The following IL1RAPL2 variants were observed in gnomAD, a reference collection of about 807,000 sequenced individuals.
IL1RAPL2 encodes the protein X-linked interleukin-1 receptor accessory protein-like 2.
IL1RAPL2 carries 3 observed loss-of-function variants against 44.1 expected under a neutral mutation model. That is an observed-to-expected ratio of 0.07 (90% confidence interval 0.03 to 0.18). The LOEUF is 0.18. Among genes scored for constraint, IL1RAPL2 ranks in the 10% least tolerant of loss-of-function variants. The probability of loss-of-function intolerance (pLI) is 1.00; values close to 1 mark genes in which losing one functional copy is unlikely to be tolerated. For synonymous variants in IL1RAPL2, 181 were observed against 178.8 expected (o/e 1.01, Z -0.10); for missense variants, 391 against 496.4 (o/e 0.79, Z 2.02).
chrX:104,695,202 T>A (rs1602684726), intron 2 of IL1RAPL2, among the ~76,000 whole-genome samples: 1 of 112,469 alleles, frequency 8.9e-6, no homozygotes, highest in East Asian at 2.8e-4. Flanking sequence ...GTGCTAATTG[T>A]GAAAAGGCAT....
At position 105,428,054 on chromosome X, in the gene IL1RAPL2, A is replaced by C. The variant is rs1031966771; in HGVS notation, c.698-56259A>C. Among the ~76,000 whole-genome samples the C allele has an allele frequency of 1.8e-4, 20 of 112,085 alleles. No individual in the cohort carries two copies. In the East Asian group the frequency reaches 2.5e-3, roughly 14 times the overall value. ...ATAAAATATATTAATGTTACAAAAG[A>C]AAGTAAAATTGAATCATATAGTAAC... On this transcript the variant is annotated intron_variant, in intron 5 of 10. Coordinates refer to ENST00000372582, the MANE Select transcript of IL1RAPL2 (RefSeq NM_017416.2).
At chrX:105,584,095 T>G (rs1319034688) in intron 6 of IL1RAPL2, among the ~76,000 whole-genome samples, 1 of 111,990 alleles carries the variant, frequency 8.9e-6, no homozygotes, top group Non-Finnish European at 1.9e-5. Context: ...TGTGGAGAAA[T>G]TTTAAAATAT....
intron 2 of IL1RAPL2, among the ~76,000 whole-genome samples, chrX:104,910,272 G>A (rs907701845): frequency 4.5e-5 from 5 of 111,960 alleles, no homozygotes; most frequent in Non-Finnish European, 7.5e-5. Context: ...CTTGTGAGAC[G>A]AACCCGGTGC....
At chrX:105,191,279 G>A (rs1299453992) in intron 2 of IL1RAPL2, among the ~76,000 whole-genome samples, 6 of 112,607 alleles carry the variant, frequency 5.3e-5, no homozygotes, top group Non-Finnish European at 9.4e-5. Flanking sequence ...GCAATGGCAC[G>A]ATCTCAGCTT....
chrX:105,703,901 T>G (rs1384529658), intron 6 of IL1RAPL2, among the ~76,000 whole-genome samples: 1 of 112,103 alleles, frequency 8.9e-6, no homozygotes, highest in Non-Finnish European at 1.9e-5. Flanking sequence ...TTTAAAGACA[T>G]GTAGTTATAT....
At chrX:105,338,569 C>A (rs1252336065) in intron 5 of IL1RAPL2, among the ~76,000 whole-genome samples, 1 of 111,773 alleles carries the variant, frequency 8.9e-6, no homozygotes, top group African/African-American at 3.3e-5. Context: ...TTTTGAAAGT[C>A]CTTGCAATTC....
At chrX:105,159,209 C>A (rs777690994) in intron 2 of IL1RAPL2, among the ~76,000 whole-genome samples, 4 of 112,583 alleles carry the variant, frequency 3.6e-5, no homozygotes, top group African/African-American at 1.3e-4. Context: ...GTGGATCAGC[C>A]TTTTCCAGGC....
intron 5 of IL1RAPL2, among the ~76,000 whole-genome samples, chrX:105,413,347 T>C (rs929437098): frequency 9.0e-6 from 1 of 111,095 alleles, no homozygotes; most frequent in African/African-American, 3.3e-5. Context: ...TGAGATAGGG[T>C]GATTATCCTA....
At chrX:104,721,591 G>C (rs1010958534) in intron 2 of IL1RAPL2, among the ~76,000 whole-genome samples, 4 of 110,412 alleles carry the variant, frequency 3.6e-5, no homozygotes, top group African/African-American at 1.3e-4. Context: ...TTAATACCTA[G>C]GTGATGAGTT....
At chrX:104,589,853 C>T (rs1397023250) in intron 1 of IL1RAPL2, among the ~76,000 whole-genome samples, 1 of 111,473 alleles carries the variant, frequency 9.0e-6, no homozygotes, top group Non-Finnish European at 1.9e-5. Flanking sequence ...CAGATTGACC[C>T]TTTGTTCCTA....
intron 2 of IL1RAPL2, among the ~76,000 whole-genome samples, chrX:105,138,179 A>G (rs1361714579): frequency 3.6e-5 from 4 of 111,766 alleles, no homozygotes; most frequent in Non-Finnish European, 7.5e-5. Flanking sequence ...GCTTGGTCAG[A>G]TGACAGCCAC....
chrX:105,678,250 G>A (rs955433060), intron 6 of IL1RAPL2, among the ~76,000 whole-genome samples: 1 of 112,160 alleles, frequency 8.9e-6, no homozygotes. Context: ...GTATTATGGG[G>A]TACATTAGAT....
At chrX:105,559,067 C>T (rs758502355) in intron 6 of IL1RAPL2, among the ~76,000 whole-genome samples, 5 of 111,593 alleles carry the variant, frequency 4.5e-5, no homozygotes, top group Non-Finnish European at 9.4e-5. Context: ...AATTTTTATT[C>T]GTAAACCAAC....
chrX:104,862,363 G>A (rs1207542700), intron 2 of IL1RAPL2, among the ~76,000 whole-genome samples: 1 of 109,821 alleles, frequency 9.1e-6, no homozygotes, highest in Non-Finnish European at 1.9e-5. Context: ...CTCATACCCA[G>A]TAACTCAGAA....
At chrX:104,572,089 A>G (rs1928159000) in intron 1 of IL1RAPL2, among the ~76,000 whole-genome samples, 1 of 111,662 alleles carries the variant, frequency 9.0e-6, no homozygotes, top group Non-Finnish European at 1.9e-5. Context: ...CTTGCTTTAT[A>G]CTTTGGGGAA....
intron 5 of IL1RAPL2, among the ~76,000 whole-genome samples, chrX:105,293,119 A>T (rs1446240287): frequency 1.1e-5 from 1 of 93,160 alleles, no homozygotes; most frequent in Non-Finnish European, 2.0e-5. Context: ...CTCTGTCCAA[A>T]AAAAAAAAAA....
intron 6 of IL1RAPL2, among the ~76,000 whole-genome samples, chrX:105,703,749 T>C (rs1252396088): frequency 8.9e-6 from 1 of 112,181 alleles, no homozygotes; most frequent in Non-Finnish European, 1.9e-5. Context: ...TCTCCATATG[T>C]CTTTTGAAAG....
chrX:105,575,817 A>G (rs1212609662), intron 6 of IL1RAPL2, among the ~76,000 whole-genome samples: 1 of 112,238 alleles, frequency 8.9e-6, no homozygotes, highest in East Asian at 2.8e-4. Flanking sequence ...CCTTTTCTCC[A>G]CAACCTGCTA....
intron 2 of IL1RAPL2, among the ~76,000 whole-genome samples, chrX:105,019,340 A>G (rs2031242579): frequency 8.9e-6 from 1 of 111,804 alleles, no homozygotes; most frequent in Non-Finnish European, 1.9e-5. Flanking sequence ...GTTCATGGAA[A>G]AAGCTACAAA....
Sources: gnomAD v4.1 joint callset for allele counts (sites outside exome capture counted in the v4.1 genomes callset) on GRCh38, gnomAD v4.1.1 for gene constraint, MANE v1.5 for transcripts, NCBI Gene and HGNC (gene_info 2026-07-23, HGNC 2026-07-21) for gene names.